Variants in DNM2 observed in about 807,000 individuals in gnomAD.
DNM2 encodes the protein dynamin-2.
In DNM2, 15 loss-of-function variants were observed where a neutral mutation model predicts 99.0. That is an observed-to-expected ratio of 0.15 (90% confidence interval 0.10 to 0.23). The LOEUF is 0.23. DNM2 is among the 10% of genes least tolerant of loss of function. The pLI is 1.00. For missense variants in DNM2, 742 were observed against 1,189.4 expected (o/e 0.62, Z 5.53); for synonymous variants, 525 against 481.2 (o/e 1.09, Z -1.19).
At chr19:10,727,691 A>G (rs2069158804) in intron 1 of DNM2, among the ~76,000 whole-genome samples, 1 of 152,080 alleles carries the variant, frequency 6.6e-6, no homozygotes, top group Non-Finnish European at 1.5e-5. Flanking sequence ...TAGAGTTTTC[A>G]GAGTTGGCTT....
At chr19:10,825,990 A>G (rs966466166) in intron 18 of DNM2, among the ~76,000 whole-genome samples, 1 of 145,456 alleles carries the variant, frequency 6.9e-6, no homozygotes, top group South Asian at 2.2e-4. Context: ...AGCTATGATC[A>G]TGCCACTGCA....
At chr19:10,777,478 G>C (rs1686328722) in intron 5 of DNM2, among the ~76,000 whole-genome samples, 1 of 152,134 alleles carries the variant, frequency 6.6e-6, no homozygotes, top group Non-Finnish European at 1.5e-5. Flanking sequence ...CTCACCCGCA[G>C]CCACACTTCC....
chr19:10,822,019 T>C (rs1370745657), intron 16 of DNM2, among the ~76,000 whole-genome samples: 1 of 152,078 alleles, frequency 6.6e-6, no homozygotes, highest in Non-Finnish European at 1.5e-5. Flanking sequence ...CTTAAAGGCT[T>C]TGTGGGCAGC....
intron 1 of DNM2, among the ~76,000 whole-genome samples, chr19:10,736,905 G>A (rs1357106496): frequency 2.0e-5 from 3 of 152,134 alleles, no homozygotes; most frequent in African/African-American, 7.2e-5. Flanking sequence ...CCAGCACTTT[G>A]GGAGGCCGAG....
intron 1 of DNM2, among the ~76,000 whole-genome samples, chr19:10,725,062 T>G (rs113888271): frequency 4.6e-5 from 7 of 152,344 alleles, no homozygotes; most frequent in African/African-American, 1.7e-4. Flanking sequence ...GTTTGTCCCT[T>G]TAACAGATCT....
chr19:10,778,019 T>TTTTA (rs5827114), intron 5 of DNM2, among the ~76,000 whole-genome samples: 106,088 of 137,910 alleles, frequency 0.77, 41,282 homozygotes, highest in East Asian at 0.87. Flanking sequence ...TATTTTTTCA[T>TTTTA]TTTATTTATT....
chr19:10,801,407 C>T (rs766276243), intron 11 of DNM2, among the ~76,000 whole-genome samples: 10 of 151,852 alleles, frequency 6.6e-5, no homozygotes, highest in Non-Finnish European at 1.0e-4. Flanking sequence ...ATCACTTGAG[C>T]CTAGGAGTTC....
At chr19:10,798,428 T>C (rs1353017659) in intron 10 of DNM2, 58 bp from the exon 11 acceptor site, 1 of 1,497,474 alleles carries the variant, frequency 6.7e-7, no homozygotes, top group Non-Finnish European at 9.3e-7. Context: ...GTGTGGTTCA[T>C]GTTGCTTCCC....
Position 10,796,219 on chromosome 19 carries a change from G to GT in DNM2, c.1196+781dup, listed in dbSNP as rs2071927910. 2 of 1,613,800 alleles carry GT rather than the reference G, an allele frequency of 1.2e-6. No homozygotes were observed. Among genetic ancestry groups the GT allele is most frequent in the African/African-American group, 1.3e-5 (1 of 75,022 alleles). On this transcript the variant is annotated intron_variant, in intron 9 of 20. Coordinates refer to ENST00000389253, the MANE Select transcript of DNM2 (RefSeq NM_001005361.3). The surrounding 1 kb of genome is among the most constrained non-coding windows in gnomAD (Gnocchi z 5.6). ...AGTAAGGTATTGCTCCCTCGGCAGG[G>GT]TGACTCCTGACCTTGTGGAAACGGG...
Position 10,776,065 on chromosome 19 carries a change from C to T in DNM2, c.589+159C>T, listed in dbSNP as rs151092170. Among the ~76,000 whole-genome samples, 487 of 152,258 alleles carry T rather than the reference C, an allele frequency of 3.2e-3. 1 individual carries two copies. Among genetic ancestry groups the T allele is most frequent in the African/African-American group, 0.011 (472 of 41,562 alleles). On this transcript the variant is annotated intron_variant, in intron 4 of 20. Transcript: ENST00000389253. ...GCACTTCCTCCGAGAACCAGCAGTGCTGGTGGGCATCCCCTGGGAAGTCAC... is the reference window on the plus strand; with the variant it reads ...GCACTTCCTCCGAGAACCAGCAGTGTTGGTGGGCATCCCCTGGGAAGTCAC...
intron 3 of DNM2, among the ~76,000 whole-genome samples, chr19:10,773,760 G>A (rs1407615688): frequency 6.6e-5 from 10 of 151,586 alleles, no homozygotes; most frequent in South Asian, 2.1e-4. Context: ...GAGCCACCAC[G>A]CCCAGCCCAT....
At chr19:10,720,491 G>T (rs1416974927) in intron 1 of DNM2, among the ~76,000 whole-genome samples, 1 of 152,080 alleles carries the variant, frequency 6.6e-6, no homozygotes, top group Non-Finnish European at 1.5e-5. Context: ...GGGATTACAG[G>T]TGTGAGCCAC....
At chr19:10,824,486 G>A in intron 17 of DNM2, 1 of 196,886 alleles carries the variant, frequency 5.1e-6, no homozygotes, top group Non-Finnish European at 1.1e-5. Flanking sequence ...GGGCGACAGA[G>A]CAAGACTCCA....
Position 10,755,788 on chromosome 19 carries a change from C to T in DNM2, c.162-3950C>T, listed in dbSNP as rs115235936. Among the ~76,000 whole-genome samples, 1,026 of 152,180 alleles carry T rather than the reference C, an allele frequency of 6.7e-3. 8 individuals carry two copies. Among genetic ancestry groups the T allele is most frequent in the African/African-American group, 0.023 (969 of 41,518 alleles). On this transcript the variant is annotated intron_variant, in intron 1 of 20. Coordinates refer to ENST00000389253, the MANE Select transcript of DNM2 (RefSeq NM_001005361.3). ...AAGCCATTCTCGTGTCTTAGCCTCCCGAGTGGCTGGGATTACATGCTTGCG... is the reference window on the plus strand; with the variant it reads ...AAGCCATTCTCGTGTCTTAGCCTCCTGAGTGGCTGGGATTACATGCTTGCG...
intron 1 of DNM2, among the ~76,000 whole-genome samples, chr19:10,746,523 A>G (rs899171201): frequency 1.3e-5 from 2 of 152,066 alleles, no homozygotes; most frequent in African/African-American, 4.8e-5. Context: ...TCCCAGGTTC[A>G]AGCGATTCTC....
Position 10,820,105 on chromosome 19 carries a change from G to A in DNM2, c.1781+16G>A, listed in dbSNP as rs752355749. The A allele has an allele frequency of 5.6e-6, 9 of 1,613,394 alleles. No homozygotes were observed. The highest frequency in any genetic ancestry group is 7.6e-6 in the Non-Finnish European group (9 of 1,179,568). ...CGGAGCAGAGGTGAGGGGCCCAGGG[G>A]CCTGGGGATGGCTCGGGGTGAAGAC... On this transcript the variant is annotated intron_variant, in intron 16 of 20. Coordinates refer to ENST00000389253, the MANE Select transcript of DNM2 (RefSeq NM_001005361.3). This position sits in a 1 kb window ranked among gnomAD's most constrained non-coding sequence, Gnocchi z 4.3.
Position 10,831,679 on chromosome 19 carries a change from C to T in DNM2, c.*632C>T, listed in dbSNP as rs1232144387. 9.1e-6 allele frequency: 9 copies of T among 986,270 alleles called. No individual in the cohort carries two copies. The highest frequency in any genetic ancestry group is 1.7e-5 in the African/African-American group (1 of 57,360). 61.1% of individuals were successfully genotyped at this position (986,270 alleles called of 1,614,324 possible). A position where few individuals can be genotyped will look rare whatever the true frequency, so the allele number is the denominator to read the frequency against. ...GGCCTTGCCCTATTCCTCTCCTCCT[C>T]CTCCTCCTGGGTCCCCCAGGGTGGC... On this transcript the variant is annotated 3_prime_UTR_variant, in exon 21 of 21. Coordinates refer to ENST00000389253, the MANE Select transcript of DNM2 (RefSeq NM_001005361.3). The surrounding 1 kb of genome is among the most constrained non-coding windows in gnomAD (Gnocchi z 4.3).
At chr19:10,785,284 A>ATT (rs779391429) in intron 6 of DNM2, among the ~76,000 whole-genome samples, 7 of 141,260 alleles carry the variant, frequency 5.0e-5, no homozygotes, top group African/African-American at 5.2e-5. Flanking sequence ...CACCCGGCTA[A>ATT]TTTTTTTTTT....
chr19:10,831,648 C>CG lies in DNM2; in HGVS notation c.*604dup, dbSNP rs2073350338. On this transcript the variant is annotated 3_prime_UTR_variant, in exon 21 of 21. Transcript: ENST00000389253. This position sits in a 1 kb window ranked among gnomAD's most constrained non-coding sequence, Gnocchi z 4.3. Reference sequence around the variant, plus strand: ...TTTGCTAGGCCCGGAGCCGTTGGCCCGGGCCGGCCTTGCCCTATTCCTCTC... The same window carrying CG: ...TTTGCTAGGCCCGGAGCCGTTGGCCCGGGGCCGGCCTTGCCCTATTCCTCTC... 3 of 985,954 alleles carry CG rather than the reference C, an allele frequency of 3.0e-6. No homozygotes were observed. The highest frequency in any genetic ancestry group is 5.2e-4 in the Middle Eastern group (1 of 1,938). 61.1% of individuals were successfully genotyped at this position (985,954 alleles called of 1,614,324 possible). A position where few individuals can be genotyped will look rare whatever the true frequency, so the allele number is the denominator to read the frequency against.
Sources: gnomAD v4.1 joint callset for allele counts (sites outside exome capture counted in the v4.1 genomes callset) on GRCh38, gnomAD v4.1.1 for gene constraint, Gnocchi (gnomAD v3.1) non-coding constraint, MANE v1.5 for transcripts, NCBI Gene and HGNC (gene_info 2026-07-23, HGNC 2026-07-21) for gene names.